TECPR2: variants seen among roughly 807,000 people sequenced by gnomAD.
The protein encoded by TECPR2 is tectonin beta-propeller repeat-containing protein 2.
Under a neutral mutation model 138.1 loss-of-function variants are expected in TECPR2, and 65 were observed. That is an observed-to-expected ratio of 0.47 (90% confidence interval 0.39 to 0.58). The LOEUF is 0.58. TECPR2 is among the 20% of genes least tolerant of loss of function. The pLI is 0.00. For synonymous variants in TECPR2, 746 were observed against 749.8 expected (o/e 0.99, Z 0.08); for missense variants, 1,553 against 1,824.5 (o/e 0.85, Z 2.71).
intron 2 of TECPR2, among the ~76,000 whole-genome samples, chr14:102,396,184 C>G (rs961357274): frequency 6.6e-6 from 1 of 151,332 alleles, no homozygotes; most frequent in African/African-American, 2.4e-5. Flanking sequence ...CTCATTGCAA[C>G]CTCTGCCTCA....
rs1340589750 is a variant in TECPR2 at position 102,445,707 on chromosome 14, C to A, written c.2934-99C>A. The A allele has an allele frequency of 2.8e-6, 4 of 1,450,262 alleles. No homozygotes were observed. In the East Asian group the frequency reaches 7.1e-5, roughly 26 times the overall value. The allele number at this position is 1,450,262 out of a possible 1,614,324, so 89.8% of individuals were successfully genotyped here. The stretch of plus-strand genomic sequence containing the variant: ...CGCTCCAGGGCCACGTCTCTTCTCC[C>A]AGCCACGCCTGCCGGGAGACCCTGG... On this transcript the variant is annotated intron_variant, in intron 12 of 19. Coordinates refer to ENST00000359520, the MANE Select transcript of TECPR2 (RefSeq NM_014844.5).
chr14:102,437,951 C>A, intron 9 of TECPR2, 71 bp from the exon 10 acceptor site: 1 of 1,535,832 alleles, frequency 6.5e-7, no homozygotes, highest in Non-Finnish European at 8.8e-7. Flanking sequence ...TCTCACCTTT[C>A]TTACTGAGAA....
intron 1 of TECPR2, among the ~76,000 whole-genome samples, chr14:102,369,545 C>T (rs114485200): frequency 0.01 from 1,576 of 152,038 alleles, 30 homozygotes; most frequent in African/African-American, 0.036. Flanking sequence ...GTGCCTCAGC[C>T]TCCTGAGTAG....
Position 102,438,214 on chromosome 14 carries a change from C to CCCCGCTCCCTGCTCCCGCTCCCTGCT in TECPR2, c.2578+17_2578+42dup, listed in dbSNP as rs3831019. The CCCCGCTCCCTGCTCCCGCTCCCTGCT allele has an allele frequency of 1.9e-6, 3 of 1,590,708 alleles. No homozygotes were observed. The highest frequency in any genetic ancestry group is 1.1e-5 in the South Asian group (1 of 89,334). On this transcript the variant is annotated intron_variant, in intron 10 of 19. Coordinates refer to ENST00000359520, the MANE Select transcript of TECPR2 (RefSeq NM_014844.5). ...GGCAGTCTCGCCCTCAGGTTCGCCT[C>CCCCGCTCCCTGCTCCCGCTCCCTGCT]CCCGCTCCCTGCTCCCGCTCCCTGC...
intron 16 of TECPR2, among the ~76,000 whole-genome samples, chr14:102,462,966 C>T (rs193054538): frequency 6.6e-6 from 1 of 152,240 alleles, no homozygotes; most frequent in Admixed American, 6.5e-5. Flanking sequence ...AGCATCATTC[C>T]TTAGCAGGAA....
Position 102,438,061 on chromosome 14 carries a change from G to A in TECPR2, c.2434G>A (p.Gly812Ser), listed in dbSNP as rs968012979. ...SWMGYSGPGY[G>S]ILSLVVSEKY... Reference sequence around the variant, plus strand: ...GATGGGCTACTCGGGTCCCGGCTATGGCATCCTCAGCTTGGTGGTCTCCGA... The same window carrying A: ...GATGGGCTACTCGGGTCCCGGCTATAGCATCCTCAGCTTGGTGGTCTCCGA... The change falls in exon 10 of 20, where the codon GGC becomes AGC. Residue 812 changes from glycine (G) to serine (S), a missense_variant. Gly to Ser is a moderately conservative substitution (Grantham distance 56, BLOSUM62 0). Coordinates refer to ENST00000359520, the MANE Select transcript of TECPR2 (RefSeq NM_014844.5). The A allele has an allele frequency of 1.7e-5, 27 of 1,614,032 alleles. No individual in the cohort carries two copies. The highest frequency in any genetic ancestry group is 2.2e-5 in the Non-Finnish European group (26 of 1,180,008).
At chr14:102,431,601 C>T (rs919530333) in intron 7 of TECPR2, among the ~76,000 whole-genome samples, 195 bp from the exon 8 acceptor site, 1 of 152,166 alleles carries the variant, frequency 6.6e-6, no homozygotes, top group Non-Finnish European at 1.5e-5. Context: ...CTTGGCCTCC[C>T]AAAGTGCTGG....
Position 102,434,992 on chromosome 14 carries a change from G to A in TECPR2, c.2175G>A (p.Leu725=), listed in dbSNP as rs760581263. The A allele has an allele frequency of 1.2e-6, 2 of 1,614,134 alleles. No homozygotes were observed. The highest frequency in any genetic ancestry group is 1.7e-6 in the Non-Finnish European group (2 of 1,180,028). ...ERVLGSVGGQ[L]TPVSALAAST... The stretch of plus-strand genomic sequence containing the variant: ...TCTTGGGGAGTGTGGGAGGACAGCT[G>A]ACTCCGGTCTCTGCCTTGGCAGCCA... The change falls in exon 9 of 20, where the codon CTG becomes CTA. Residue 725 remains leucine (L), a synonymous_variant. Coordinates refer to ENST00000359520, the MANE Select transcript of TECPR2 (RefSeq NM_014844.5).
At position 102,498,661 on chromosome 14, in the gene TECPR2, A is replaced by G; in HGVS notation, c.*404A>G. On this transcript the variant is annotated 3_prime_UTR_variant, in exon 20 of 20. Transcript: ENST00000359520. ...GGCCTCCTTCCACATTAGTAGCCCC[A>G]GGGCCAGATGGAGCCAAAGGTCAGC... 2.5e-6 allele frequency: 1 copy of G among 397,842 alleles called. No homozygotes were observed. Among genetic ancestry groups the G allele is most frequent in the East Asian group, 5.8e-5 (1 of 17,128 alleles). 24.6% of individuals were successfully genotyped at this position (397,842 alleles called of 1,614,324 possible). A position where few individuals can be genotyped will look rare whatever the true frequency, so the allele number is the denominator to read the frequency against.
intron 2 of TECPR2, among the ~76,000 whole-genome samples, chr14:102,395,157 G>A (rs1888282840): frequency 6.6e-6 from 1 of 152,272 alleles, no homozygotes; most frequent in South Asian, 2.1e-4. Context: ...AGATGAAAGT[G>A]AGCTCCTTCA....
Position 102,419,929 on chromosome 14 carries a change from G to A in TECPR2, c.639-5050G>A, listed in dbSNP as rs1889134543. Reference sequence around the variant, plus strand: ...GTGTGGCGCCCGCATGTGGGTAAGAGCCAGCAGCCGGTTCTGGAACCCCGC... The same window carrying A: ...GTGTGGCGCCCGCATGTGGGTAAGAACCAGCAGCCGGTTCTGGAACCCCGC... On this transcript the variant is annotated intron_variant, in intron 5 of 19. Coordinates refer to ENST00000359520, the MANE Select transcript of TECPR2 (RefSeq NM_014844.5). This position sits in a 1 kb window ranked among gnomAD's most constrained non-coding sequence, Gnocchi z 4.8. Among the ~76,000 whole-genome samples, 1 of 152,168 alleles carries A rather than the reference G, an allele frequency of 6.6e-6. No homozygotes were observed. Among genetic ancestry groups the A allele is most frequent in the African/African-American group, 2.4e-5 (1 of 41,432 alleles).
At chr14:102,471,144 G>T (rs1890645985) in intron 17 of TECPR2, among the ~76,000 whole-genome samples, 1 of 151,792 alleles carries the variant, frequency 6.6e-6, no homozygotes, top group Non-Finnish European at 1.5e-5. Context: ...TAGAGATAGG[G>T]TTTCACTATG....
intron 19 of TECPR2, among the ~76,000 whole-genome samples, 180 bp from the exon 20 acceptor site, chr14:102,497,923 G>A (rs1017938280): frequency 6.6e-6 from 1 of 151,586 alleles, no homozygotes; most frequent in African/African-American, 2.4e-5. Flanking sequence ...CAAGGACAAG[G>A]TGCTGTTGAC....
chr14:102,470,531 C>T (rs918042723), intron 17 of TECPR2, among the ~76,000 whole-genome samples: 2 of 151,928 alleles, frequency 1.3e-5, no homozygotes, highest in Non-Finnish European at 2.9e-5. Flanking sequence ...TTGTCTTGAA[C>T]TCCTGACCTC....
chr14:102,473,470 G>T (rs948921074), intron 17 of TECPR2, among the ~76,000 whole-genome samples: 2 of 152,142 alleles, frequency 1.3e-5, no homozygotes, highest in South Asian at 4.1e-4. Flanking sequence ...TTTGTTCTTC[G>T]ACTTGAGCTT....
intron 2 of TECPR2, among the ~76,000 whole-genome samples, chr14:102,382,257 C>T (rs1190467500): frequency 6.6e-6 from 1 of 151,474 alleles, no homozygotes; most frequent in Non-Finnish European, 1.5e-5. Flanking sequence ...CGCGCCATTG[C>T]ACTCCAGCCT....
intron 7 of TECPR2, among the ~76,000 whole-genome samples, chr14:102,431,548 TAGCC>T (rs1462180031): frequency 5.9e-5 from 9 of 152,218 alleles, no homozygotes; most frequent in Non-Finnish European, 5.9e-5. Flanking sequence ...TTCACTGTGT[TAGCC>T]AGGATGGTCT....
chr14:102,424,882 A>T, intron 5 of TECPR2, 97 bp from the exon 6 acceptor site: 1 of 1,268,340 alleles, frequency 7.9e-7, no homozygotes, highest in Middle Eastern at 2.3e-4. Context: ...TTAGCCAAAA[A>T]ATTCTTGTTG....
At chr14:102,417,344 C>A (rs138891545) in intron 5 of TECPR2, among the ~76,000 whole-genome samples, 167 of 152,326 alleles carry the variant, frequency 1.1e-3, no homozygotes, top group Non-Finnish European at 3.1e-4. Flanking sequence ...CGGAGCTAGG[C>A]ATGTACACGT....
Sources: gnomAD v4.1 joint callset for allele counts (sites outside exome capture counted in the v4.1 genomes callset) on GRCh38, gnomAD v4.1.1 for gene constraint, Gnocchi (gnomAD v3.1) non-coding constraint, MANE v1.5 for transcripts, NCBI Gene and HGNC (gene_info 2026-07-23, HGNC 2026-07-21) for gene names.